Variants in SHISA6 observed in about 807,000 individuals in gnomAD.
The protein encoded by SHISA6 is shisa family member 6.
Under a neutral mutation model 47.9 loss-of-function variants are expected in SHISA6, and 22 were observed. The ratio of observed to expected loss-of-function variants is 0.46; its 90% CI spans 0.33 to 0.66. The LOEUF is 0.66. Among genes scored for constraint, SHISA6 ranks in the 30% least tolerant of loss-of-function variants. The probability of loss-of-function intolerance (pLI) is 0.02; values close to 1 mark genes in which losing one functional copy is unlikely to be tolerated. For missense variants in SHISA6, 680 were observed against 764.6 expected, an observed-to-expected ratio of 0.89 and a Z score of 1.30; for synonymous variants, 388 against 337.8, an observed-to-expected ratio of 1.15 and a Z score of -1.63.
intron 1 of SHISA6, among the ~76,000 whole-genome samples, chr17:11,243,486 C>T (rs1332072171): frequency 1.3e-5 from 2 of 152,108 alleles, no homozygotes; most frequent in Non-Finnish European, 2.9e-5. Context: ...CTTCCACTTG[C>T]ACCTCATGTC....
rs531374005 is a variant in SHISA6 at position 11,304,197 on chromosome 17, C to T, written c.799+40671C>T. Among the ~76,000 whole-genome samples the T allele has an allele frequency of 3.9e-5, 6 of 152,342 alleles. No homozygotes were observed. The East Asian group carries it at 5.8e-4, about 15-fold the overall frequency. On this transcript the variant is annotated intron_variant, in intron 2 of 5. Transcript: ENST00000441885. Reference sequence around the variant, plus strand: ...CCTTTGCTCTAGGGGAGCTGCCCTGCTCCAGTGAGAGGGGCCCTGGAGGGG... The same window carrying T: ...CCTTTGCTCTAGGGGAGCTGCCCTGTTCCAGTGAGAGGGGCCCTGGAGGGG...
chr17:11,343,822 TAA>T (rs1911612233), intron 2 of SHISA6, among the ~76,000 whole-genome samples: 1 of 152,202 alleles, frequency 6.6e-6, no homozygotes, highest in South Asian at 2.1e-4. Context: ...AGATGGAGCA[TAA>T]AAAGTGATCA....
chr17:11,497,131 A>G (rs150756623), intron 3 of SHISA6, among the ~76,000 whole-genome samples: 8 of 152,242 alleles, frequency 5.3e-5, no homozygotes, highest in African/African-American at 1.9e-4. Context: ...CTGCTAGGAG[A>G]CACCCTGAAG....
Position 11,504,048 on chromosome 17 carries a change from G to A in SHISA6, c.896-47848G>A, listed in dbSNP as rs538841834. Among the ~76,000 whole-genome samples the A allele has an allele frequency of 1.7e-3, 252 of 152,334 alleles. 4 individuals are homozygous for A. Among genetic ancestry groups the A allele is most frequent in the African/African-American group, 5.8e-3 (243 of 41,580 alleles). On this transcript the variant is annotated intron_variant, in intron 3 of 5. Coordinates refer to ENST00000441885, the MANE Select transcript of SHISA6 (RefSeq NM_207386.4). ...GGGAGATGCTCACTTATCTGGGATG[G>A]ATGCATGAGTTATTACCAAAAAGCA...
At chr17:11,451,187 A>T (rs1168498882) in intron 3 of SHISA6, among the ~76,000 whole-genome samples, 1 of 152,024 alleles carries the variant, frequency 6.6e-6, no homozygotes, top group Non-Finnish European at 1.5e-5. Context: ...GGTTTTACCC[A>T]CAGCCCCTGC....
chr17:11,282,650 T>C (rs1909163757), intron 2 of SHISA6, among the ~76,000 whole-genome samples: 1 of 152,214 alleles, frequency 6.6e-6, no homozygotes, highest in South Asian at 2.1e-4. Flanking sequence ...CATGCGGTAT[T>C]TGGTTTTCTG....
rs118065620 is a variant in SHISA6, at chr17:11,247,149, C to T, written c.638+5089C>T. On this transcript the variant is annotated intron_variant, in intron 1 of 5. Coordinates refer to ENST00000441885, the MANE Select transcript of SHISA6 (RefSeq NM_207386.4). Reference sequence around the variant, plus strand: ...GGTTTTAATGAGAGATCGGATTGACCGTGCAGTGGATTCAAATCAATTGTG... The same window carrying T: ...GGTTTTAATGAGAGATCGGATTGACTGTGCAGTGGATTCAAATCAATTGTG... Among the ~76,000 whole-genome samples, 31 of 152,286 alleles carry T rather than the reference C, an allele frequency of 2.0e-4. No homozygotes were observed. The East Asian group carries it at 4.6e-3, about 23-fold the overall frequency.
intron 3 of SHISA6, among the ~76,000 whole-genome samples, chr17:11,442,902 C>T (rs17699201): frequency 0.11 from 16,180 of 152,158 alleles, 1,052 homozygotes; most frequent in Non-Finnish European, 0.14. Flanking sequence ...TTTAGCCAAG[C>T]CACTGCTCAT....
At chr17:11,299,882 A>G (rs922839285) in intron 2 of SHISA6, among the ~76,000 whole-genome samples, 18 of 152,250 alleles carry the variant, frequency 1.2e-4, no homozygotes, top group East Asian at 7.7e-4. Flanking sequence ...GCGGTGGCTC[A>G]CGTCTGTAAT....
At position 11,318,705 on chromosome 17, in the gene SHISA6, G is replaced by A. The variant is rs552890900; in HGVS notation, c.799+55179G>A. On this transcript the variant is annotated intron_variant, in intron 2 of 5. Coordinates refer to ENST00000441885, the MANE Select transcript of SHISA6 (RefSeq NM_207386.4). ...GGGACTGTGTCTGTTTTTACTCTTCGTTGCATATGCAGTATCTACCATCGT... is the reference window on the plus strand; with the variant it reads ...GGGACTGTGTCTGTTTTTACTCTTCATTGCATATGCAGTATCTACCATCGT... Among the ~76,000 whole-genome samples, 204 of 152,174 alleles carry A rather than the reference G, an allele frequency of 1.3e-3. 1 individual carries two copies. Among genetic ancestry groups the A allele is most frequent in the Middle Eastern group, 6.8e-3 (2 of 294 alleles).
chr17:11,265,201 G>A (rs1284008624), intron 2 of SHISA6, among the ~76,000 whole-genome samples: 1 of 152,210 alleles, frequency 6.6e-6, no homozygotes, highest in Non-Finnish European at 1.5e-5. Flanking sequence ...CATCACATTA[G>A]TGTTTTAAAC....
rs141247609 is a variant in SHISA6, at chr17:11,405,691, A to G, written c.895+26182A>G. On this transcript the variant is annotated intron_variant, in intron 3 of 5. Transcript: ENST00000441885. ...GTGGCGGGTGCCTGTAATCCCAGCT[A>G]CTTGGGAGGCTGAGCAGGAGAATCG... Among the ~76,000 whole-genome samples, 311 of 152,190 alleles carry G rather than the reference A, an allele frequency of 2.0e-3. 2 individuals carry two copies. The highest frequency in any genetic ancestry group is 6.9e-3 in the African/African-American group (288 of 41,514).
At chr17:11,364,640 T>A (rs1432766452) in intron 2 of SHISA6, among the ~76,000 whole-genome samples, 1 of 152,234 alleles carries the variant, frequency 6.6e-6, no homozygotes, top group Non-Finnish European at 1.5e-5. Flanking sequence ...CTTTTACTAT[T>A]TTAAATAAAG....
At chr17:11,486,151 A>G (rs189542093) in intron 3 of SHISA6, among the ~76,000 whole-genome samples, 129 of 152,280 alleles carry the variant, frequency 8.5e-4, no homozygotes, top group African/African-American at 2.9e-3. Context: ...ACAGCCCTCA[A>G]TTGTGCTGAA....
At chr17:11,385,519 C>A (rs531658426) in intron 3 of SHISA6, among the ~76,000 whole-genome samples, 8 of 152,106 alleles carry the variant, frequency 5.3e-5, no homozygotes, top group African/African-American at 1.9e-4. Context: ...GAGATCAGGA[C>A]GCATACGAAT....
At chr17:11,376,377 G>A (rs970627707) in intron 2 of SHISA6, among the ~76,000 whole-genome samples, 2 of 149,458 alleles carry the variant, frequency 1.3e-5, no homozygotes, top group African/African-American at 2.5e-5. Flanking sequence ...GAGTACAGTG[G>A]CGCGATCTGA....
chr17:11,277,313 CA>C (rs1908957469), intron 2 of SHISA6, among the ~76,000 whole-genome samples: 1 of 150,368 alleles, frequency 6.7e-6, no homozygotes, highest in South Asian at 2.1e-4. Context: ...CACACACACA[CA>C]CACACCCCGC....
chr17:11,490,340 TAAGAG>T (rs1349659930), intron 3 of SHISA6, among the ~76,000 whole-genome samples: 3 of 150,322 alleles, frequency 2.0e-5, no homozygotes, highest in African/African-American at 4.9e-5. Flanking sequence ...TGAGAGGGAG[TAAGAG>T]AAGAGGAAAA....
chr17:11,558,596 A>C lies in SHISA6; in HGVS notation c.*292A>C. Reference sequence around the variant, plus strand: ...TTCTCACCCCCGACCACCTTCACCAACTCCCTTTCCGTCCCGCGCCTCCTT... The same window carrying C: ...TTCTCACCCCCGACCACCTTCACCACCTCCCTTTCCGTCCCGCGCCTCCTT... On this transcript the variant is annotated 3_prime_UTR_variant, in exon 6 of 6. Transcript: ENST00000441885. The C allele has an allele frequency of 3.1e-5, 13 of 424,258 alleles. No homozygotes were observed. Among genetic ancestry groups the C allele is most frequent in the Admixed American group, 7.9e-5 (2 of 25,418 alleles). 26.3% of individuals were successfully genotyped at this position (424,258 alleles called of 1,614,324 possible).
Sources: gnomAD v4.1 joint callset for allele counts (sites outside exome capture counted in the v4.1 genomes callset) on GRCh38, gnomAD v4.1.1 for gene constraint, MANE v1.5 for transcripts, NCBI Gene and HGNC (gene_info 2026-07-23, HGNC 2026-07-21) for gene names.